Variants in RCAN1 observed in about 807,000 individuals in gnomAD.
The protein encoded by RCAN1 is calcipressin-1.
Under a neutral mutation model 22.9 loss-of-function variants are expected in RCAN1, and 11 were observed. The ratio of observed to expected loss-of-function variants is 0.48; its 90% CI spans 0.30 to 0.79. The LOEUF (loss-of-function observed/expected upper bound fraction) is 0.79, where lower values mean the gene tolerates loss of function less well. RCAN1 is among the 30% of genes least tolerant of loss of function. The pLI is 0.06. For synonymous variants in RCAN1, 136 were observed against 142.3 expected (o/e 0.96, Z 0.32); for missense variants, 291 against 337.8 (o/e 0.86, Z 1.09).
At chr21:34,580,162 T>C (rs1275115088) in intron 1 of RCAN1, among the ~76,000 whole-genome samples, 2 of 152,180 alleles carry the variant, frequency 1.3e-5, no homozygotes, top group Non-Finnish European at 2.9e-5. Flanking sequence ...CCCTGTTTGA[T>C]TTACTTTCCT....
chr21:34,530,285 C>G (rs982627745), intron 1 of RCAN1, among the ~76,000 whole-genome samples: 3 of 152,240 alleles, frequency 2.0e-5, no homozygotes, highest in Non-Finnish European at 4.4e-5. Flanking sequence ...TTTGCCTCCT[C>G]TGGCTCCAAA....
At chr21:34,603,498 C>T (rs1988428167) in intron 1 of RCAN1, among the ~76,000 whole-genome samples, 1 of 152,108 alleles carries the variant, frequency 6.6e-6, no homozygotes, top group Admixed American at 6.5e-5. Context: ...AAAAAAAGAC[C>T]TGCTTTTGAG....
In RCAN1 at chr21:34,532,688, C is replaced by T. The variant is rs569002657; in HGVS notation, c.253-8978G>A. Among the ~76,000 whole-genome samples, 8 of 152,318 alleles carry T rather than the reference C, an allele frequency of 5.3e-5. No individual in the cohort carries two copies. In the South Asian group the frequency reaches 1.2e-3, roughly 24 times the overall value. On this transcript the variant is annotated intron_variant, in intron 1 of 3. Coordinates refer to ENST00000313806, the MANE Select transcript of RCAN1 (RefSeq NM_004414.7). The stretch of plus-strand genomic sequence containing the variant: ...ACACAAGAGTCATTCATACATTTGA[C>T]GACAGATGTCATCTCATTCACATAT...
chr21:34,570,786 T>C (rs1987208170), intron 1 of RCAN1, among the ~76,000 whole-genome samples: 1 of 152,164 alleles, frequency 6.6e-6, no homozygotes, highest in African/African-American at 2.4e-5. Flanking sequence ...CAAATACAAT[T>C]TAAAAGAGCT....
intron 1 of RCAN1, among the ~76,000 whole-genome samples, chr21:34,543,528 G>A (rs899546073): frequency 6.6e-6 from 1 of 152,194 alleles, no homozygotes; most frequent in Non-Finnish European, 1.5e-5. Context: ...CTCCAGAACT[G>A]TACAGTCATA....
intron 1 of RCAN1, among the ~76,000 whole-genome samples, chr21:34,546,701 C>A (rs774983392): frequency 6.6e-6 from 1 of 152,152 alleles, no homozygotes; most frequent in African/African-American, 2.4e-5. Flanking sequence ...CAACATCCAC[C>A]GTACCAGGAA....
chr21:34,533,533 C>T (rs9647162), intron 1 of RCAN1, among the ~76,000 whole-genome samples: 55,174 of 151,800 alleles, frequency 0.36, 11,105 homozygotes, highest in African/African-American at 0.56. Context: ...CATTCATTCA[C>T]GCATCCCTCC....
chr21:34,561,176 T>C (rs1453946894), intron 1 of RCAN1, among the ~76,000 whole-genome samples: 1 of 152,312 alleles, frequency 6.6e-6, no homozygotes, highest in East Asian at 1.9e-4. Context: ...TCCCCAGCAA[T>C]GCAGACTGTG....
intron 1 of RCAN1, among the ~76,000 whole-genome samples, chr21:34,591,737 C>T (rs1313036613): frequency 1.3e-5 from 2 of 152,140 alleles, no homozygotes; most frequent in African/African-American, 2.4e-5. Flanking sequence ...CCATATGTTG[C>T]GCTAATACGT....
chr21:34,588,359 G>A (rs961051803), intron 1 of RCAN1, among the ~76,000 whole-genome samples: 1 of 152,108 alleles, frequency 6.6e-6, no homozygotes, highest in Non-Finnish European at 1.5e-5. Flanking sequence ...AGGTGTGCTG[G>A]CATTGTTCTA....
At chr21:34,597,180 C>A (rs936285576) in intron 1 of RCAN1, among the ~76,000 whole-genome samples, 15 of 152,156 alleles carry the variant, frequency 9.9e-5, no homozygotes, top group African/African-American at 3.4e-4. Flanking sequence ...CAGCTACCAG[C>A]CACATGGGGC....
At chr21:34,574,173 C>T (rs757799833) in intron 1 of RCAN1, among the ~76,000 whole-genome samples, 78 of 152,234 alleles carry the variant, frequency 5.1e-4, no homozygotes, top group East Asian at 3.9e-4. Context: ...TCAAGAGAGA[C>T]AAAAAATCAG....
chr21:34,596,786 A>T (rs1988173234), intron 1 of RCAN1, among the ~76,000 whole-genome samples: 1 of 152,298 alleles, frequency 6.6e-6, no homozygotes, highest in African/African-American at 2.4e-5. Flanking sequence ...ATCTTGCGAG[A>T]ACCTTTGCAC....
At chr21:34,599,909 T>C (rs935597242) in intron 1 of RCAN1, among the ~76,000 whole-genome samples, 21 of 152,188 alleles carry the variant, frequency 1.4e-4, no homozygotes, top group African/African-American at 5.1e-4. Context: ...GCATGACCAA[T>C]AGGTGTAGAC....
At chr21:34,597,075 C>T (rs1475461451) in intron 1 of RCAN1, among the ~76,000 whole-genome samples, 2 of 152,156 alleles carry the variant, frequency 1.3e-5, no homozygotes, top group African/African-American at 2.4e-5. Context: ...CCAATCTCAG[C>T]ATCTCTGGGC....
chr21:34,541,751 G>A (rs578212661), intron 1 of RCAN1, among the ~76,000 whole-genome samples: 4 of 152,230 alleles, frequency 2.6e-5, no homozygotes, highest in East Asian at 1.9e-4. Context: ...TGGCTAACAC[G>A]GTGAAACACT....
intron 1 of RCAN1, among the ~76,000 whole-genome samples, chr21:34,585,498 C>T (rs1196161313): frequency 1.3e-5 from 2 of 152,110 alleles, no homozygotes; most frequent in Non-Finnish European, 2.9e-5. Context: ...AATCCCAGCA[C>T]TTTCGGAGGC....
At chr21:34,546,840 A>G (rs1986163939) in intron 1 of RCAN1, among the ~76,000 whole-genome samples, 1 of 152,230 alleles carries the variant, frequency 6.6e-6, no homozygotes, top group Non-Finnish European at 1.5e-5. Context: ...AAAGGGGGAA[A>G]CAGGAAAAGT....
intron 1 of RCAN1, among the ~76,000 whole-genome samples, chr21:34,581,822 C>T (rs1324185147): frequency 2.0e-5 from 3 of 152,232 alleles, no homozygotes; most frequent in East Asian, 1.9e-4. Flanking sequence ...GGCTGAGAAG[C>T]GTGTCTCCCA....
Sources: allele counts gnomAD v4.1 joint callset (sites outside exome capture counted in the v4.1 genomes callset), GRCh38; gene constraint gnomAD v4.1.1; transcripts MANE v1.5; gene names NCBI Gene and HGNC (gene_info 2026-07-23, HGNC 2026-07-21).